The following THNSL1 variants were observed in gnomAD, a reference collection of about 807,000 sequenced individuals.
The protein encoded by THNSL1 is threonine synthase like 1, also known as threonine synthase-like 1.
THNSL1 carries 48 observed loss-of-function variants against 50.4 expected under a neutral mutation model. The ratio of observed to expected loss-of-function variants is 0.95; its 90% confidence interval spans 0.76 to 1.21. THNSL1 has a LOEUF of 1.21. THNSL1 is among the 50% of genes most tolerant of loss of function. The probability of loss-of-function intolerance (pLI) is 0.00; values close to 1 mark genes in which losing one functional copy is unlikely to be tolerated. For missense variants in THNSL1, 896 were observed against 871.7 expected, an observed-to-expected ratio of 1.03 and a Z score of -0.35; for synonymous variants, 309 against 306.1, an observed-to-expected ratio of 1.01 and a Z score of -0.10.
the THNSL1 span, among the ~76,000 whole-genome samples, chr10:25,009,007 C>G: frequency 6.6e-5 from 10 of 152,074 alleles, no homozygotes; most frequent in Non-Finnish European, 1.2e-4. Context: ...ATCACAAGGA[C>G]AAAAAACCAA....
the THNSL1 span, among the ~76,000 whole-genome samples, chr10:24,976,371 A>G: frequency 6.6e-6 from 1 of 152,152 alleles, no homozygotes; most frequent in Non-Finnish European, 1.5e-5. Flanking sequence ...CCCAATGCAG[A>G]CCTCACCACT....
upstream of THNSL1, chr10:25,015,987 G>T: frequency 6.3e-7 from 1 of 1,576,834 alleles, no homozygotes. Flanking sequence ...TTTTCTCCCT[G>T]TCCCAGTATC....
At chr10:25,017,133 A>G (rs1027063619) in intron 1 of THNSL1, among the ~76,000 whole-genome samples, 1 of 152,188 alleles carries the variant, frequency 6.6e-6, no homozygotes. Flanking sequence ...GAACCAGTGG[A>G]CCTGCTCTTT....
chr10:24,982,062 AG>A, the THNSL1 span: 1 of 152,236 alleles, frequency 6.6e-6, no homozygotes, highest in African/African-American at 2.4e-5. Context: ...GCAGATTCTA[AG>A]GAATGCAGAT....
the THNSL1 span, among the ~76,000 whole-genome samples, chr10:24,977,064 T>G: frequency 2.0e-5 from 3 of 152,096 alleles, no homozygotes; most frequent in Non-Finnish European, 4.4e-5. Flanking sequence ...GCTTTCTTAA[T>G]GAGATCCACA....
chr10:25,004,348 G>A, the THNSL1 span, among the ~76,000 whole-genome samples: 4 of 152,216 alleles, frequency 2.6e-5, no homozygotes, highest in East Asian at 5.8e-4. Flanking sequence ...TTGAGGAATT[G>A]CCACACTGTC....
chr10:24,983,481 G>GCCTA, the THNSL1 span: 1 of 152,154 alleles, frequency 6.6e-6, no homozygotes, highest in African/African-American at 2.4e-5. Context: ...ACAGCTGTTA[G>GCCTA]CCTACCCTAA....
At chr10:24,996,381 C>A in the THNSL1 span, among the ~76,000 whole-genome samples, 1 of 151,900 alleles carries the variant, frequency 6.6e-6, no homozygotes, top group Non-Finnish European at 1.5e-5. Context: ...GAGATCATGC[C>A]ATTGTACTCC....
At chr10:25,017,539 T>A (rs1431461137) in intron 1 of THNSL1, among the ~76,000 whole-genome samples, 2 of 152,152 alleles carry the variant, frequency 1.3e-5, no homozygotes, top group African/African-American at 4.8e-5. Flanking sequence ...TTAGTTCCTG[T>A]ATAAAAAGGC....
the THNSL1 span, chr10:24,990,404 C>G: frequency 6.4e-7 from 1 of 1,551,660 alleles, no homozygotes; most frequent in Non-Finnish European, 8.7e-7. Context: ...TGATGGTACA[C>G]CTTTCTTTCA....
At chr10:25,012,949 A>G (rs574187411), upstream of THNSL1, among the ~76,000 whole-genome samples, 1 of 152,176 alleles carries the variant, frequency 6.6e-6, no homozygotes, top group East Asian at 1.9e-4. Flanking sequence ...CATAATTCCC[A>G]TATGTCATGG....
the THNSL1 span, among the ~76,000 whole-genome samples, chr10:24,978,212 T>C: frequency 6.6e-6 from 1 of 152,200 alleles, no homozygotes; most frequent in African/African-American, 2.4e-5. Flanking sequence ...AAGCACATTA[T>C]GTAGAAAGAC....
At chr10:24,977,812 C>A in the THNSL1 span, among the ~76,000 whole-genome samples, 1 of 152,178 alleles carries the variant, frequency 6.6e-6, no homozygotes, top group Admixed American at 6.5e-5. Context: ...AAATTGATAA[C>A]ATTAGTTGTC....
chr10:25,018,480 AG>A (rs1430019413), intron 1 of THNSL1, among the ~76,000 whole-genome samples: 3 of 152,220 alleles, frequency 2.0e-5, no homozygotes, highest in African/African-American at 7.2e-5. Context: ...GCTCAAAAGC[AG>A]CCAAAGACGG....
the THNSL1 span, among the ~76,000 whole-genome samples, chr10:25,007,895 T>C: frequency 6.6e-6 from 1 of 151,610 alleles, no homozygotes; most frequent in Non-Finnish European, 1.5e-5. Flanking sequence ...AATTATCCTG[T>C]CAACCACATA....
the THNSL1 span, among the ~76,000 whole-genome samples, chr10:24,986,518 T>C: frequency 6.6e-6 from 1 of 152,184 alleles, no homozygotes; most frequent in African/African-American, 2.4e-5. Context: ...CATTATGAAA[T>C]GTGAAAGAGG....
At chr10:24,969,586 A>G in the THNSL1 span, among the ~76,000 whole-genome samples, 2,237 of 152,302 alleles carry the variant, frequency 0.015, 26 homozygotes, top group Admixed American at 0.026. Context: ...ATTTGAAGAA[A>G]AAAGTTGGAG....
the THNSL1 span, among the ~76,000 whole-genome samples, chr10:24,977,301 A>C: frequency 6.6e-6 from 1 of 152,232 alleles, no homozygotes; most frequent in Non-Finnish European, 1.5e-5. Flanking sequence ...TACATTTAGA[A>C]CAATAAGAAG....
In THNSL1 at chr10:25,024,972, TG is replaced by T. The variant is rs1433547680; in HGVS notation, c.1751del (p.Gly584AspfsTer3). ...ATTTACACTTGATGGCTAATAAAGA[TG>T]GACAGCTAATGACAGAATTATTTAA... is the stretch of plus-strand genomic sequence containing the variant. ...RHLHLMANKD[G>X]QLMTELFNRL... On this transcript the variant is annotated frameshift_variant, in exon 3 of 3. Transcript: ENST00000376356. LOFTEE classifies it high-confidence loss of function. The T allele has an allele frequency of 6.2e-7, 1 of 1,614,098 alleles. No homozygotes were observed. The highest frequency in any genetic ancestry group is 2.2e-5 in the East Asian group (1 of 44,900).
Sources: allele counts gnomAD v4.1 joint callset (sites outside exome capture counted in the v4.1 genomes callset), GRCh38; gene constraint gnomAD v4.1.1; transcripts MANE v1.5; gene names NCBI Gene and HGNC (gene_info 2026-07-23, HGNC 2026-07-21).